Variants in PCDH9 observed in about 807,000 individuals in gnomAD.
PCDH9 encodes protocadherin 9.
In PCDH9, 24 loss-of-function variants were observed where a neutral mutation model predicts 70.6. That is an observed-to-expected ratio of 0.34 (90% CI 0.25 to 0.48). The LOEUF (loss-of-function observed/expected upper bound fraction) is 0.48. Among genes scored for constraint, PCDH9 ranks in the 20% least tolerant of loss-of-function variants. The pLI, the probability that PCDH9 is intolerant of heterozygous loss-of-function variation, is 0.99. For missense variants in PCDH9, 1,281 were observed against 1,503.6 expected, an observed-to-expected ratio of 0.85 and a Z score of 2.45; for synonymous variants, 562 against 558.5, an observed-to-expected ratio of 1.01 and a Z score of -0.09.
chr13:67,227,864 C>T lies in PCDH9; in HGVS notation c.577G>A (p.Val193Met), dbSNP rs776175155. ...CACTTCTCTCCCTCTGGAGTTTCCA[C>T]GATATCCAGTCCAAAAACACTCTGC... Reference protein sequence around the residue: ...NGQSVFGLDIVETPEGEKWPQ... With the variant: ...NGQSVFGLDIMETPEGEKWPQ... The change falls in exon 2 of 5, where the codon GTG (valine) becomes ATG (methionine). Residue 193 changes from valine (V) to methionine (M), a missense_variant. Physicochemically the swap from Val to Met is conservative, Grantham distance 21. Around this residue, in one of 4 missense-constraint regions of PCDH9, gnomAD observed 798 missense variants for 1,003.1 expected, o/e 0.80. Coordinates refer to ENST00000377865, the MANE Select transcript of PCDH9 (RefSeq NM_203487.3). The surrounding 1 kb of genome is among the most constrained non-coding windows in gnomAD (Gnocchi z 4.6). 1.9e-6 allele frequency: 3 copies of T among 1,613,780 alleles called. No homozygotes were observed. Among genetic ancestry groups the T allele is most frequent in the East Asian group, 2.2e-5 (1 of 44,890 alleles).
chr13:66,670,317 T>C (rs760659063), intron 3 of PCDH9, among the ~76,000 whole-genome samples: 3 of 152,206 alleles, frequency 2.0e-5, no homozygotes, highest in Non-Finnish European at 4.4e-5. Context: ...ATCAGTACTT[T>C]GGTAACCCTA....
At chr13:66,638,575 T>A (rs1453471511) in intron 3 of PCDH9, among the ~76,000 whole-genome samples, 3 of 152,188 alleles carry the variant, frequency 2.0e-5, no homozygotes, top group Non-Finnish European at 4.4e-5. Context: ...ATGAGCAATT[T>A]TTTTTCATCT....
intron 2 of PCDH9, among the ~76,000 whole-genome samples, chr13:67,005,395 A>C (rs533493675): frequency 1.4e-4 from 22 of 152,352 alleles, no homozygotes; most frequent in African/African-American, 5.3e-4. Flanking sequence ...ACTATATAAA[A>C]ATAGAACTAA....
chr13:66,855,768 G>A (rs1050959017), intron 3 of PCDH9, among the ~76,000 whole-genome samples: 3 of 151,980 alleles, frequency 2.0e-5, no homozygotes, highest in Non-Finnish European at 4.4e-5. Context: ...CTGGTTTACT[G>A]TCTTTTCTGT....
intron 4 of PCDH9, among the ~76,000 whole-genome samples, chr13:66,591,822 G>T (rs1215779871): frequency 6.6e-6 from 1 of 151,496 alleles, no homozygotes. Flanking sequence ...GGCTCATTCT[G>T]CAAGGAAAAC....
intron 2 of PCDH9, among the ~76,000 whole-genome samples, chr13:67,053,693 T>C (rs1000660470): frequency 2.0e-5 from 3 of 152,172 alleles, no homozygotes; most frequent in African/African-American, 7.2e-5. Context: ...AGGTGTATGA[T>C]TTGCCTTTTA....
chr13:66,485,743 A>AT (rs1958927996), intron 4 of PCDH9, among the ~76,000 whole-genome samples: 1 of 151,388 alleles, frequency 6.6e-6, no homozygotes, highest in African/African-American at 2.4e-5. Flanking sequence ...TTTATTTTTT[A>AT]TTTTTTATTT....
chr13:67,182,087 A>G (rs2088631708), intron 2 of PCDH9, among the ~76,000 whole-genome samples: 1 of 152,128 alleles, frequency 6.6e-6, no homozygotes, highest in African/African-American at 2.4e-5. Context: ...ATCAGTTTCA[A>G]GTTTCAGGGC....
In PCDH9 at chr13:67,228,547, A is replaced by T. The variant is rs189367724; in HGVS notation, c.-107T>A. 1.0e-4 allele frequency: 84 copies of T among 817,456 alleles called. 1 individual carries two copies. In the Admixed American group the frequency reaches 2.0e-3, roughly 20 times the overall value. The allele number at this position is 817,456 out of a possible 1,614,324, so 50.6% of individuals were successfully genotyped here. A position where few individuals can be genotyped will look rare whatever the true frequency, so the allele number is the denominator to read the frequency against. Reference sequence around the variant, plus strand: ...GCGTGCATGGACTGGAGGATGCATTATATCTCATCACTTATTTGGAGACAG... The same window carrying T: ...GCGTGCATGGACTGGAGGATGCATTTTATCTCATCACTTATTTGGAGACAG... On this transcript the variant is annotated 5_prime_UTR_variant, in exon 2 of 5. An upstream open reading frame in the 5' UTR gains an earlier in-frame stop. Coordinates refer to ENST00000377865, the MANE Select transcript of PCDH9 (RefSeq NM_203487.3).
At chr13:66,942,499 T>C (rs961924144) in intron 2 of PCDH9, among the ~76,000 whole-genome samples, 5 of 151,950 alleles carry the variant, frequency 3.3e-5, no homozygotes, top group Admixed American at 1.3e-4. Context: ...TTGCTACAGA[T>C]TCTGTAGATA....
chr13:66,969,988 T>A (rs576330117), intron 2 of PCDH9, among the ~76,000 whole-genome samples: 4 of 152,176 alleles, frequency 2.6e-5, no homozygotes, highest in African/African-American at 9.6e-5. Flanking sequence ...TGCATGTATG[T>A]GCATTTTAAG....
chr13:66,607,254 T>A (rs1349302149), intron 4 of PCDH9, among the ~76,000 whole-genome samples: 1 of 151,846 alleles, frequency 6.6e-6, no homozygotes, highest in Non-Finnish European at 1.5e-5. Flanking sequence ...CAAGCTTCAG[T>A]TTTTTCATGT....
Position 66,325,395 on chromosome 13 carries a change from T to C in PCDH9, c.3341-20367A>G, listed in dbSNP as rs1467371159. On this transcript the variant is annotated intron_variant, in intron 4 of 4. Transcript: ENST00000377865. ...GCATTCATGATGTCTCTAGGACTTA[T>C]GACGAGTTTTCTGTATCCTATGAGA... Among the ~76,000 whole-genome samples the C allele has an allele frequency of 2.0e-5, 3 of 152,146 alleles. No individual in the cohort carries two copies. In the South Asian group the frequency reaches 6.2e-4, roughly 32 times the overall value.
At chr13:66,883,191 T>C (rs1261578721) in intron 3 of PCDH9, among the ~76,000 whole-genome samples, 2 of 152,174 alleles carry the variant, frequency 1.3e-5, no homozygotes, top group South Asian at 2.1e-4. Flanking sequence ...AAGGCTCTGA[T>C]CAAATGCTAC....
At chr13:66,952,816 T>C (rs2083205238) in intron 2 of PCDH9, among the ~76,000 whole-genome samples, 2 of 152,188 alleles carry the variant, frequency 1.3e-5, no homozygotes, top group African/African-American at 2.4e-5. Flanking sequence ...CTTAGGTTCT[T>C]AGTATAAACA....
chr13:66,677,299 C>T lies in PCDH9; in HGVS notation c.3139-45888G>A, dbSNP rs989043134. 2.0e-5 allele frequency among the ~76,000 whole-genome samples: 3 copies of T among 152,128 alleles called. No homozygotes were observed. In the South Asian group the frequency reaches 6.2e-4, roughly 32 times the overall value. ...TAACATATAAAAAGCCACTTGTCAA[C>T]AATGTTTTTAATATTTTTTAAAGTA... On this transcript the variant is annotated intron_variant, in intron 3 of 4. Transcript: ENST00000377865.
In PCDH9 at chr13:66,437,404, C is replaced by CAAAAAAAAAAAAAAAAA. The variant is rs66796123; in HGVS notation, c.3341-132393_3341-132377dup. 3.9e-4 allele frequency among the ~76,000 whole-genome samples: 18 copies of CAAAAAAAAAAAAAAAAA among 45,586 alleles called. 1 individual carries two copies. Among genetic ancestry groups the CAAAAAAAAAAAAAAAAA allele is most frequent in the African/African-American group, 1.2e-3 (18 of 14,560 alleles). 29.9% of individuals were successfully genotyped at this position (45,586 alleles called of 152,430 possible). ...TGGGTGACAGAGCAAGACTCTGTCT[C>CAAAAAAAAAAAAAAAAA]AAAAAAAAAAAAAAAAAAAAAAGGA... On this transcript the variant is annotated intron_variant, in intron 4 of 4. Transcript: ENST00000377865.
chr13:66,440,666 A>C (rs1957956404), intron 4 of PCDH9, among the ~76,000 whole-genome samples: 1 of 152,160 alleles, frequency 6.6e-6, no homozygotes, highest in Non-Finnish European at 1.5e-5. Context: ...ATTGGGACTC[A>C]GACAGGGTCT....
At chr13:66,624,801 A>C (rs1368541897) in intron 4 of PCDH9, among the ~76,000 whole-genome samples, 2 of 152,246 alleles carry the variant, frequency 1.3e-5, no homozygotes, top group East Asian at 3.8e-4. Flanking sequence ...ATACTTGTGT[A>C]CAGTGTATAG....
Sources: gnomAD v4.1 joint callset for allele counts (sites outside exome capture counted in the v4.1 genomes callset) on GRCh38, gnomAD v4.1.1 for gene constraint, gnomAD v4.1.1 regional missense constraint, Gnocchi (gnomAD v3.1) non-coding constraint, MANE v1.5 for transcripts, NCBI Gene and HGNC (gene_info 2026-07-23, HGNC 2026-07-21) for gene names.